Variants in AGBL1 observed in about 807,000 individuals in gnomAD.
The protein encoded by AGBL1 is AGBL carboxypeptidase 1.
AGBL1 carries 130 observed loss-of-function variants against 118.9 expected under a neutral mutation model. That is an observed-to-expected ratio of 1.09 (90% CI 0.95 to 1.26). The LOEUF is 1.26. AGBL1 is among the 50% of genes most tolerant of loss of function. AGBL1 has a pLI of 0.00. For missense variants in AGBL1, 1,584 were observed against 1,298.1 expected, an observed-to-expected ratio of 1.22 and a Z score of -3.38; for synonymous variants, 555 against 478.9, an observed-to-expected ratio of 1.16 and a Z score of -2.08.
intron 22 of AGBL1, among the ~76,000 whole-genome samples, chr15:86,853,930 A>G (rs560518887): frequency 2.2e-4 from 34 of 152,154 alleles, no homozygotes; most frequent in South Asian, 8.3e-4. Context: ...CTGCCAGATG[A>G]TAAAGGTCAA....
Position 86,746,807 on chromosome 15 carries a change from T to A in AGBL1, c.3158+72371T>A, listed in dbSNP as rs531063782. The stretch of plus-strand genomic sequence containing the variant: ...ACTTCAGTCTATTGGCCGAAACACA[T>A]GTAACTATGCAACAACATAGGCACA... On this transcript the variant is annotated intron_variant, in intron 22 of 22. Transcript: ENST00000614907. 1.2e-3 allele frequency among the ~76,000 whole-genome samples: 182 copies of A among 152,164 alleles called. 1 individual carries two copies. The highest frequency in any genetic ancestry group is 3.9e-3 in the African/African-American group (163 of 41,548).
intron 21 of AGBL1, among the ~76,000 whole-genome samples, chr15:86,665,451 C>T (rs1158273382): frequency 6.6e-6 from 1 of 152,020 alleles, no homozygotes; most frequent in Non-Finnish European, 1.5e-5. Flanking sequence ...AGTAAGCCTA[C>T]GATGAGAAGA....
chr15:86,267,170 T>A (rs1277390052), intron 13 of AGBL1, 94 bp downstream of exon 13: 1 of 972,624 alleles, frequency 1.0e-6, no homozygotes, highest in African/African-American at 1.6e-5. Context: ...TGACCTTGCA[T>A]TGGTGGCTTG....
chr15:86,266,396 C>A lies in AGBL1; in HGVS notation c.1690C>A (p.Arg564=). The change falls in exon 12 of 23, where the codon CGG becomes AGG. Residue 564 remains arginine, a synonymous_variant. Coordinates refer to ENST00000614907, the MANE Select transcript of AGBL1 (RefSeq NM_001386094.1). ...VQRIRIFEDI[R]RLIQPSDVIN... ...CAGGATCAGGATATTTGAGGATATT[C>A]GGAGGCTCATCCAGCCAAGTGATGT... The A allele has an allele frequency of 1.3e-6, 2 of 1,579,762 alleles. No individual in the cohort carries two copies.
chr15:86,735,653 G>GCTATATATATATATATATATATATAT (rs1555444825), intron 22 of AGBL1, among the ~76,000 whole-genome samples: 37 of 143,074 alleles, frequency 2.6e-4, no homozygotes, highest in African/African-American at 8.3e-4. Context: ...GCTACAAAGA[G>GCTATATATATATATATATATATATAT]AGATATATAT....
chr15:86,240,676 T>G (rs2078627914), intron 6 of AGBL1, among the ~76,000 whole-genome samples: 2 of 152,184 alleles, frequency 1.3e-5, no homozygotes, highest in Non-Finnish European at 2.9e-5. Flanking sequence ...AGGGGGTTTC[T>G]ATCCTGAAAA....
intron 17 of AGBL1, among the ~76,000 whole-genome samples, chr15:86,315,355 G>A (rs2079985975): frequency 6.6e-6 from 1 of 152,118 alleles, no homozygotes; most frequent in Non-Finnish European, 1.5e-5. Flanking sequence ...ACCTAGTTAA[G>A]CCTCAGTTTC....
chr15:86,670,600 G>GACACACACACACAC (rs9302341), intron 21 of AGBL1, among the ~76,000 whole-genome samples: 2,648 of 133,162 alleles, frequency 0.02, 124 homozygotes, highest in African/African-American at 0.07. Context: ...GTGAAACTCT[G>GACACACACACACAC]ACACACACAC....
At chr15:86,216,008 G>A (rs2078181962) in intron 5 of AGBL1, among the ~76,000 whole-genome samples, 1 of 152,022 alleles carries the variant, frequency 6.6e-6, no homozygotes, top group Non-Finnish European at 1.5e-5. Flanking sequence ...TACTCTTTTT[G>A]CTGCTAAGAT....
chr15:86,532,564 C>T (rs2083365647), intron 19 of AGBL1, among the ~76,000 whole-genome samples: 1 of 138,544 alleles, frequency 7.2e-6, no homozygotes, highest in Admixed American at 7.2e-5. Flanking sequence ...CAACGCCATC[C>T]CCATCAAGCT....
intron 6 of AGBL1, among the ~76,000 whole-genome samples, chr15:86,243,380 A>G (rs140149158): frequency 6.6e-6 from 1 of 152,324 alleles, no homozygotes; most frequent in East Asian, 1.9e-4. Flanking sequence ...AAATAAGGAT[A>G]TCACTAGGTC....
chr15:86,186,304 G>A (rs2077632540), intron 5 of AGBL1, among the ~76,000 whole-genome samples: 1 of 152,186 alleles, frequency 6.6e-6, no homozygotes, highest in African/African-American at 2.4e-5. Flanking sequence ...GGGTTGATCT[G>A]TGCAGCACAG....
intron 22 of AGBL1, among the ~76,000 whole-genome samples, chr15:86,758,890 T>C (rs1216886154): frequency 1.3e-5 from 2 of 150,484 alleles, no homozygotes; most frequent in Admixed American, 6.6e-5. Context: ...GGAGGATTGT[T>C]TGAGCCTGGG....
At chr15:86,611,901 C>T (rs2084661745) in intron 21 of AGBL1, among the ~76,000 whole-genome samples, 1 of 152,166 alleles carries the variant, frequency 6.6e-6, no homozygotes, top group African/African-American at 2.4e-5. Flanking sequence ...TCTTACCCTG[C>T]ATGCACAAGT....
chr15:86,591,171 G>A (rs1567073686), intron 21 of AGBL1, among the ~76,000 whole-genome samples: 2 of 152,140 alleles, frequency 1.3e-5, no homozygotes, highest in African/African-American at 4.8e-5. Flanking sequence ...TTCATTTTAT[G>A]CATCTTTGGT....
At chr15:86,731,993 C>G (rs1037532316) in intron 22 of AGBL1, among the ~76,000 whole-genome samples, 1 of 152,176 alleles carries the variant, frequency 6.6e-6, no homozygotes, top group African/African-American at 2.4e-5. Context: ...TCTGCTTTGT[C>G]TGGTTATCAC....
intron 18 of AGBL1, among the ~76,000 whole-genome samples, chr15:86,468,433 C>G (rs1177189001): frequency 6.6e-6 from 1 of 152,168 alleles, no homozygotes; most frequent in East Asian, 1.9e-4. Context: ...CTGCTGGAAT[C>G]TGCATTCTGG....
At position 86,903,030 on chromosome 15, in the gene AGBL1, G is replaced by A. The variant is rs530101049; in HGVS notation, c.3159-4057G>A. ...TCTTCTTTTGGGACAATGGTGAAAT[G>A]AAGATTAGATCTTTTGTTATAGTCC... is the stretch of plus-strand genomic sequence containing the variant. On this transcript the variant is annotated intron_variant, in intron 22 of 22. Coordinates refer to ENST00000614907, the MANE Select transcript of AGBL1 (RefSeq NM_001386094.1). 3.9e-5 allele frequency among the ~76,000 whole-genome samples: 6 copies of A among 152,160 alleles called. No individual in the cohort carries two copies. The South Asian group carries it at 1.2e-3, about 32-fold the overall frequency.
At chr15:86,263,226 T>C (rs2079021031) in intron 10 of AGBL1, among the ~76,000 whole-genome samples, 1 of 152,256 alleles carries the variant, frequency 6.6e-6, no homozygotes, top group Non-Finnish European at 1.5e-5. Flanking sequence ...GTATTTTCAC[T>C]GCACCTTTTT....
Sources: gnomAD v4.1 joint callset for allele counts (sites outside exome capture counted in the v4.1 genomes callset) on GRCh38, gnomAD v4.1.1 for gene constraint, MANE v1.5 for transcripts, NCBI Gene and HGNC (gene_info 2026-07-23, HGNC 2026-07-21) for gene names.